MYT1L: variants seen among roughly 807,000 people sequenced by gnomAD.
The protein encoded by MYT1L is myelin transcription factor 1 like.
In MYT1L, 12 loss-of-function variants were observed where a neutral mutation model predicts 126.7. The ratio of observed to expected loss-of-function variants is 0.09; its 90% confidence interval spans 0.06 to 0.15. MYT1L has a LOEUF of 0.15. Among genes scored for constraint, MYT1L ranks in the 10% least tolerant of loss-of-function variants. The pLI is 1.00. For missense variants in MYT1L, 979 were observed against 1,585.2 expected, an observed-to-expected ratio of 0.62 and a Z score of 6.49; for synonymous variants, 541 against 604.2, an observed-to-expected ratio of 0.90 and a Z score of 1.53.
chr2:1,800,368 G>A (rs1220766159), intron 23 of MYT1L: 1 of 152,296 alleles, frequency 6.6e-6, no homozygotes, highest in Non-Finnish European at 1.5e-5. Flanking sequence ...CGAGACTCTG[G>A]GAAGACCTGA....
At chr2:2,265,298 G>A (rs1281856518) in intron 2 of MYT1L, among the ~76,000 whole-genome samples, 2 of 151,878 alleles carry the variant, frequency 1.3e-5, no homozygotes, top group South Asian at 2.1e-4. Context: ...TTGAGCCACC[G>A]CGCCTGGCCC....
chr2:2,002,500 T>C (rs549602514), intron 4 of MYT1L, among the ~76,000 whole-genome samples: 3 of 152,336 alleles, frequency 2.0e-5, no homozygotes, highest in East Asian at 3.9e-4. Context: ...CAGGCCACTG[T>C]TGTGCTCCAG....
intron 1 of MYT1L, among the ~76,000 whole-genome samples, chr2:2,293,977 C>G (rs947254812): frequency 6.6e-6 from 1 of 152,136 alleles, no homozygotes; most frequent in South Asian, 2.1e-4. Flanking sequence ...GGGGGCAGGA[C>G]AGGGCCCCCC....
At chr2:1,815,646 C>G (rs1025945774) in intron 21 of MYT1L, among the ~76,000 whole-genome samples, 3 of 152,172 alleles carry the variant, frequency 2.0e-5, no homozygotes, top group Admixed American at 1.3e-4. Context: ...TGGGGGAGCA[C>G]CCCCCTGGGT....
At position 1,912,760 on chromosome 2, in the gene MYT1L, G is replaced by C. The variant is rs1285951429; in HGVS notation, c.1619-650C>G. Among the ~76,000 whole-genome samples, 2 of 141,270 alleles carry C rather than the reference G, an allele frequency of 1.4e-5. No individual in the cohort carries two copies. Among genetic ancestry groups the C allele is most frequent in the Non-Finnish European group, 3.0e-5 (2 of 67,014 alleles). The allele number at this position is 141,270 out of a possible 152,430, so 92.7% of individuals were successfully genotyped here. ...CCCTGTGAAATTAACAAGCGGGAGA[G>C]GCCTCTTGCATGGACACCTTTTGTG... On this transcript the variant is annotated intron_variant, in intron 11 of 24. Coordinates refer to ENST00000647738, the MANE Select transcript of MYT1L (RefSeq NM_001303052.2). This position sits in a 1 kb window ranked among gnomAD's most constrained non-coding sequence, Gnocchi z 4.3.
At chr2:1,822,157 G>T (rs1486734682) in intron 21 of MYT1L, among the ~76,000 whole-genome samples, 2 of 152,170 alleles carry the variant, frequency 1.3e-5, no homozygotes, top group African/African-American at 4.8e-5. Context: ...AGGGAGCTGA[G>T]GCCTGAGCCA....
intron 10 of MYT1L, among the ~76,000 whole-genome samples, chr2:1,921,313 A>G (rs1182395131): frequency 6.6e-6 from 1 of 152,182 alleles, no homozygotes; most frequent in African/African-American, 2.4e-5. Context: ...GATATCCACA[A>G]AGTCAAGGTT....
intron 21 of MYT1L, among the ~76,000 whole-genome samples, chr2:1,821,667 T>C (rs1228542855): frequency 1.3e-5 from 2 of 152,258 alleles, no homozygotes; most frequent in Non-Finnish European, 2.9e-5. Flanking sequence ...TGTTCACGCA[T>C]ACATCCCAGA....
chr2:1,887,725 C>T lies in MYT1L; in HGVS notation c.2521-116G>A. 8.1e-7 allele frequency: 1 copy of T among 1,232,658 alleles called. No individual in the cohort carries two copies. 76.4% of individuals were successfully genotyped at this position (1,232,658 alleles called of 1,614,324 possible). ...CATCTTACACCTCTTTCTGCTGTAC[C>T]TTTAAGATCCTTTTGGTCCTGATAA... On this transcript the variant is annotated intron_variant, in intron 16 of 24. Transcript: ENST00000647738. This position sits in a 1 kb window ranked among gnomAD's most constrained non-coding sequence, Gnocchi z 4.8.
In MYT1L at chr2:1,912,620, C is replaced by A. The variant is rs1257972906; in HGVS notation, c.1619-510G>T. 1.3e-5 allele frequency among the ~76,000 whole-genome samples: 2 copies of A among 152,184 alleles called. No individual in the cohort carries two copies. The highest frequency in any genetic ancestry group is 2.9e-5 in the Non-Finnish European group (2 of 68,028). ...GTGTGGTGGGTAGATGAATACAGAA[C>A]CACAAACCTTAATTTTAAATAAAAT... On this transcript the variant is annotated intron_variant, in intron 11 of 24. Transcript: ENST00000647738. This position sits in a 1 kb window ranked among gnomAD's most constrained non-coding sequence, Gnocchi z 4.3.
At chr2:2,264,990 G>A (rs890062034) in intron 2 of MYT1L, among the ~76,000 whole-genome samples, 4 of 151,974 alleles carry the variant, frequency 2.6e-5, no homozygotes, top group African/African-American at 9.7e-5. Context: ...TAACTTACTG[G>A]TCAGAACATC....
chr2:2,170,347 C>T (rs377424541), intron 3 of MYT1L, among the ~76,000 whole-genome samples: 2 of 152,204 alleles, frequency 1.3e-5, no homozygotes, highest in Admixed American at 6.5e-5. Flanking sequence ...CTTAGGCCCA[C>T]GGGCCAAATC....
chr2:1,795,260 G>C (rs377721619), intron 23 of MYT1L, among the ~76,000 whole-genome samples: 3 of 152,220 alleles, frequency 2.0e-5, no homozygotes, highest in Non-Finnish European at 2.9e-5. Context: ...TGAGATGTGA[G>C]GCATGTTTGC....
intron 3 of MYT1L, among the ~76,000 whole-genome samples, chr2:2,118,504 A>C (rs1254690154): frequency 6.6e-6 from 1 of 152,234 alleles, no homozygotes; most frequent in African/African-American, 2.4e-5. Context: ...CTCTACTCAG[A>C]TATCCCATAG....
intron 3 of MYT1L, among the ~76,000 whole-genome samples, chr2:2,148,611 G>C (rs540116007): frequency 1.3e-5 from 2 of 152,284 alleles, no homozygotes; most frequent in South Asian, 4.1e-4. Flanking sequence ...GGGCTTGAGG[G>C]GCACCTGGGA....
chr2:2,180,920 G>A (rs1572199585), intron 2 of MYT1L, among the ~76,000 whole-genome samples: 1 of 151,098 alleles, frequency 6.6e-6, no homozygotes, highest in African/African-American at 2.4e-5. Context: ...GTACCTGTGT[G>A]TGCACCTGTA....
chr2:2,023,415 A>G (rs2065223997), intron 4 of MYT1L, among the ~76,000 whole-genome samples: 1 of 151,220 alleles, frequency 6.6e-6, no homozygotes, highest in Non-Finnish European at 1.5e-5. Flanking sequence ...TGCGTGTGTG[A>G]AGAACTCGGC....
At chr2:1,813,675 C>A (rs556168037) in intron 21 of MYT1L, among the ~76,000 whole-genome samples, 7 of 152,214 alleles carry the variant, frequency 4.6e-5, no homozygotes, top group African/African-American at 1.7e-4. Context: ...GAAGTTAATC[C>A]TGGTGATCCC....
chr2:2,225,367 C>G (rs1333047276), intron 2 of MYT1L, among the ~76,000 whole-genome samples: 2 of 152,124 alleles, frequency 1.3e-5, no homozygotes, highest in African/African-American at 4.8e-5. Context: ...ACATCTTCAG[C>G]TTTTGAAAGC....
Sources: gnomAD v4.1 joint callset for allele counts (sites outside exome capture counted in the v4.1 genomes callset) on GRCh38, gnomAD v4.1.1 for gene constraint, Gnocchi (gnomAD v3.1) non-coding constraint, MANE v1.5 for transcripts, NCBI Gene and HGNC (gene_info 2026-07-23, HGNC 2026-07-21) for gene names.